The following FHIP2A variants were observed in gnomAD, a reference collection of about 807,000 sequenced individuals.
FHIP2A encodes the protein FHF complex subunit HOOK interacting protein 2A.
In FHIP2A, 46 loss-of-function variants were observed where a neutral mutation model predicts 93.5. The observed-to-expected ratio is 0.49, with a 90% CI of 0.39 to 0.63. The LOEUF is 0.63. Ranked by LOEUF, FHIP2A falls within the 20% of genes least tolerant of loss-of-function variation. The pLI is 0.00. For missense variants in FHIP2A, 769 were observed against 909.7 expected (o/e 0.85, Z 1.99); for synonymous variants, 332 against 326.5 (o/e 1.02, Z -0.18).
intron 16 of FHIP2A, among the ~76,000 whole-genome samples, chr10:114,896,223 A>C (rs1276480214): frequency 6.6e-6 from 1 of 152,122 alleles, no homozygotes; most frequent in Non-Finnish European, 1.5e-5. Context: ...ATAGAAAACT[A>C]TAGAAACAAG....
rs1271076293 is a variant in FHIP2A, at chr10:114,861,756, A to G, written c.*216A>G. The G allele has an allele frequency of 4.8e-6, 6 of 1,251,392 alleles. No individual in the cohort carries two copies. The highest frequency in any genetic ancestry group is 4.3e-5 in the South Asian group (2 of 46,374). 77.5% of individuals were successfully genotyped at this position (1,251,392 alleles called of 1,614,324 possible). A position where few individuals can be genotyped will look rare whatever the true frequency, so the allele number is the denominator to read the frequency against. On this transcript the variant is annotated 3_prime_UTR_variant, in exon 17 of 17. Transcript: ENST00000369248. ...GCTTTATCATAATGGTTCTATATAT[A>G]CAATTGCACATTGTTGAATCCAGGA... is the stretch of plus-strand genomic sequence containing the variant.
At chr10:114,873,664 G>A (rs973272388) in intron 16 of FHIP2A, among the ~76,000 whole-genome samples, 1 of 151,920 alleles carries the variant, frequency 6.6e-6, no homozygotes, top group Non-Finnish European at 1.5e-5. Context: ...TTATACTTTG[G>A]GTTATAATCT....
chr10:114,838,332 A>G (rs2083648217), intron 5 of FHIP2A, among the ~76,000 whole-genome samples: 1 of 152,188 alleles, frequency 6.6e-6, no homozygotes, highest in East Asian at 1.9e-4. Flanking sequence ...TCATGAATTT[A>G]AATTTCTAGG....
At chr10:114,834,883 A>G (rs1470216338) in intron 3 of FHIP2A, among the ~76,000 whole-genome samples, 1 of 152,244 alleles carries the variant, frequency 6.6e-6, no homozygotes, top group Non-Finnish European at 1.5e-5. Context: ...TGAAAAATAT[A>G]GTATTTCCAG....
At chr10:114,891,570 T>TGC (rs1210308883) in intron 16 of FHIP2A, among the ~76,000 whole-genome samples, 15 of 147,414 alleles carry the variant, frequency 1.0e-4, no homozygotes, top group Non-Finnish European at 2.2e-4. Context: ...TGTGTGTGTG[T>TGC]GTGCACGCGT....
chr10:114,890,630 CAT>C (rs1475588708), intron 16 of FHIP2A, among the ~76,000 whole-genome samples: 2 of 142,208 alleles, frequency 1.4e-5, no homozygotes, highest in African/African-American at 5.5e-5. Context: ...CTATATATGA[CAT>C]ATATACCGTA....
At chr10:114,881,859 G>A (rs2143015216) in intron 16 of FHIP2A, among the ~76,000 whole-genome samples, 1 of 152,340 alleles carries the variant, frequency 6.6e-6, no homozygotes, top group South Asian at 2.1e-4. Flanking sequence ...AGGTTTATTT[G>A]TAAGCCCAGG....
At chr10:114,828,675 A>G (rs947720323) in intron 1 of FHIP2A, among the ~76,000 whole-genome samples, 10 of 152,132 alleles carry the variant, frequency 6.6e-5, no homozygotes, top group African/African-American at 2.4e-4. Context: ...TCCCAAGTTA[A>G]TACTTTGATT....
Position 114,846,260 on chromosome 10 carries a change from G to T in FHIP2A, c.1291G>T (p.Val431Leu). ...CTCTGATGTTTTGCTTCAAGAAATG[G>T]TGTTTTTTATCCTTGGAGAACAGAG... ...VTSDVLLQEM[V>L]FFILGEQREP... is the part of the protein sequence containing the mutation. The change falls in exon 10 of 17, where the codon GTG becomes TTG. Residue 431 changes from valine to leucine, a missense_variant. Physicochemically the swap from Val to Leu is conservative, Grantham distance 32. Coordinates refer to ENST00000369248, the MANE Select transcript of FHIP2A (RefSeq NM_020940.4). The T allele has an allele frequency of 6.2e-7, 1 of 1,614,158 alleles. No individual in the cohort carries two copies. Among genetic ancestry groups the T allele is most frequent in the Non-Finnish European group, 8.5e-7 (1 of 1,180,016 alleles).
chr10:114,823,691 G>T (rs2083557069), intron 1 of FHIP2A, among the ~76,000 whole-genome samples: 2 of 149,526 alleles, frequency 1.3e-5, no homozygotes, highest in Admixed American at 6.7e-5. Flanking sequence ...TAGAGATGGG[G>T]TTTCACCATG....
In FHIP2A at chr10:114,861,335, G is replaced by A; in HGVS notation, c.2192+1G>A. On this transcript the variant is annotated splice_donor_variant, in intron 16 of 16. Transcript: ENST00000369248. LOFTEE classifies it high-confidence loss of function. Reference sequence around the variant, plus strand: ...TTGGTTTGGAACCTGAAGGCCCTATGTAAGTTAGTGTTTTACATTTTTTTA... The same window carrying A: ...TTGGTTTGGAACCTGAAGGCCCTATATAAGTTAGTGTTTTACATTTTTTTA... The A allele has an allele frequency of 6.2e-7, 1 of 1,613,976 alleles. No homozygotes were observed.
intron 16 of FHIP2A, among the ~76,000 whole-genome samples, chr10:114,890,805 GA>G (rs1436993557): frequency 6.7e-6 from 1 of 148,586 alleles, no homozygotes; most frequent in Admixed American, 6.8e-5. Context: ...TATGTTTCAG[GA>G]AAATATGAAC....
At chr10:114,850,556 C>T (rs1033877157) in intron 13 of FHIP2A, among the ~76,000 whole-genome samples, 7 of 152,008 alleles carry the variant, frequency 4.6e-5, no homozygotes, top group African/African-American at 1.2e-4. Flanking sequence ...AAAAATTATC[C>T]GTGTGTGGTG....
At chr10:114,827,116 G>A (rs1566363979) in intron 1 of FHIP2A, among the ~76,000 whole-genome samples, 1 of 152,266 alleles carries the variant, frequency 6.6e-6, no homozygotes, top group East Asian at 1.9e-4. Flanking sequence ...TTGTGTGATG[G>A]GTATATTGGA....
chr10:114,836,803 G>A (rs1306993679), intron 5 of FHIP2A, among the ~76,000 whole-genome samples: 1 of 152,006 alleles, frequency 6.6e-6, no homozygotes, highest in African/African-American at 2.4e-5. Flanking sequence ...TGTACTTTTT[G>A]CCTTCATTCA....
Position 114,861,487 on chromosome 10 carries a change from A to G in FHIP2A, c.2245A>G (p.Lys749Glu). ...TGTGATTGTGTTAGAAGAGTTCTGT[A>G]AGGAGCTGGCGGCAATCGCATTTGT... ...EGVIVLEEFC[K>E]ELAAIAFVKY... Residue 749 changes from lysine (K) to glutamate (E), a missense_variant, in exon 17 of 17, where the codon AAG (lysine) becomes GAG (glutamate). Coordinates refer to ENST00000369248, the MANE Select transcript of FHIP2A (RefSeq NM_020940.4). 1 of 1,614,146 alleles carries G rather than the reference A, an allele frequency of 6.2e-7. No homozygotes were observed. The highest frequency in any genetic ancestry group is 1.7e-5 in the Admixed American group (1 of 60,020).
At position 114,851,714 on chromosome 10, in the gene FHIP2A, C is replaced by CAA. The variant is rs60649106; in HGVS notation, c.1803+2998_1803+2999dup. ...TTTAGGATTACTTTGTCCATTTCTG[C>CAA]AAAAAAAAAAAAAAAAAAAAAAGCA... On this transcript the variant is annotated intron_variant, in intron 13 of 16. Coordinates refer to ENST00000369248, the MANE Select transcript of FHIP2A (RefSeq NM_020940.4). 9.3e-3 allele frequency among the ~76,000 whole-genome samples: 764 copies of CAA among 81,764 alleles called. 40 individuals are homozygous for CAA. The highest frequency in any genetic ancestry group is 0.027 in the African/African-American group (549 of 20,488). The allele number at this position is 81,764 out of a possible 152,430, so 53.6% of individuals were successfully genotyped here.
At position 114,846,202 on chromosome 10, in the gene FHIP2A, T is replaced by C; in HGVS notation, c.1233T>C (p.Thr411=). 6.2e-7 allele frequency: 1 copy of C among 1,614,216 alleles called. No homozygotes were observed. Among genetic ancestry groups the C allele is most frequent in the Non-Finnish European group, 8.5e-7 (1 of 1,180,034 alleles). The change falls in exon 10 of 17, where the codon ACT becomes ACC. Residue 411 remains threonine (T), a synonymous_variant. Transcript: ENST00000369248. The part of the protein sequence containing the change: ...QTSEMGILTS[T]ALLHRIVRQV... Reference sequence around the variant, plus strand: ...CTGAGATGGGTATTCTCACATCCACTGCTCTGCTTCATCGCATCGTTCGGC... The same window carrying C: ...CTGAGATGGGTATTCTCACATCCACCGCTCTGCTTCATCGCATCGTTCGGC...
chr10:114,840,491 A>T (rs1426364356), intron 5 of FHIP2A, among the ~76,000 whole-genome samples: 1 of 152,194 alleles, frequency 6.6e-6, no homozygotes, highest in Non-Finnish European at 1.5e-5. Context: ...CCTTAAGTTA[A>T]ATTGGCAGCA....
Sources: allele counts gnomAD v4.1 joint callset (sites outside exome capture counted in the v4.1 genomes callset), GRCh38; gene constraint gnomAD v4.1.1; transcripts MANE v1.5; gene names NCBI Gene and HGNC (gene_info 2026-07-23, HGNC 2026-07-21).